The following CASK variants were observed in gnomAD, a reference collection of about 807,000 sequenced individuals.
CASK encodes peripheral plasma membrane protein CASK.
Under a neutral mutation model 82.9 loss-of-function variants are expected in CASK, and 4 were observed. The ratio of observed to expected loss-of-function variants is 0.05; its 90% CI spans 0.02 to 0.11. The LOEUF (loss-of-function observed/expected upper bound fraction) is 0.11, where lower values mean the gene tolerates loss of function less well. CASK is among the 10% of genes least tolerant of loss of function. The pLI is 1.00. For synonymous variants in CASK, 259 were observed against 253.5 expected (o/e 1.02, Z -0.20); for missense variants, 358 against 720.9 (o/e 0.50, Z 5.76).
chrX:41,677,119 C>T (rs1227948656), intron 5 of CASK, among the ~76,000 whole-genome samples: 1 of 86,102 alleles, frequency 1.2e-5, no homozygotes, highest in Non-Finnish European at 2.3e-5. Context: ...CCAGCCTGGG[C>T]AACATGGCAA....
chrX:41,539,236 T>C (rs779262654), intron 22 of CASK, among the ~76,000 whole-genome samples: 4 of 112,055 alleles, frequency 3.6e-5, no homozygotes, highest in Non-Finnish European at 7.5e-5. Context: ...ACAAGCTATG[T>C]AGAATTTCCT....
intron 5 of CASK, chrX:41,729,444 T>C (rs910378963): frequency 2.5e-5 from 3 of 121,322 alleles, no homozygotes; most frequent in African/African-American, 9.9e-5. Flanking sequence ...GTGGGCTGGG[T>C]GCGGTGGCTC....
chrX:41,580,361 T>C (rs1280064361), intron 14 of CASK, among the ~76,000 whole-genome samples: 1 of 111,625 alleles, frequency 9.0e-6, no homozygotes, highest in Non-Finnish European at 1.9e-5. Flanking sequence ...TTGTATTTTT[T>C]GTAGACACGG....
In CASK at chrX:41,517,761, AT is replaced by A. The variant is rs1415521384; in HGVS notation, c.*2658del. ...TCTGATTGCTTAGTGGACAATTGTA[AT>A]GTAGCAGTAGCAGCAGCAGCAGCAG... On this transcript the variant is annotated 3_prime_UTR_variant, in exon 27 of 27. Coordinates refer to ENST00000378163, the MANE Select transcript of CASK (RefSeq NM_001367721.1). The A allele has an allele frequency of 1.4e-6, 1 of 729,462 alleles. No individual in the cohort carries two copies. Among genetic ancestry groups the A allele is most frequent in the Non-Finnish European group, 2.0e-6 (1 of 494,078 alleles). 60.1% of individuals were successfully genotyped at this position (729,462 alleles called of 1,213,427 possible).
intron 1 of CASK, among the ~76,000 whole-genome samples, chrX:41,883,105 G>C (rs770254237): frequency 1.8e-5 from 2 of 111,695 alleles, no homozygotes; most frequent in Non-Finnish European, 3.8e-5. Context: ...CAAAACATTT[G>C]GTAATACCAT....
At position 41,838,867 on chromosome X, in the gene CASK, T is replaced by C. The variant is rs775482694; in HGVS notation, c.172+14248A>G. 2.4e-3 allele frequency among the ~76,000 whole-genome samples: 270 copies of C among 112,059 alleles called. 1 individual carries two copies. The highest frequency in any genetic ancestry group is 8.5e-3 in the African/African-American group (262 of 30,875). Reference sequence around the variant, plus strand: ...TAAATTGAGGTTCATTTTTGGCCTATGGATGTCCAATTGCTCCACCACCAT... The same window carrying C: ...TAAATTGAGGTTCATTTTTGGCCTACGGATGTCCAATTGCTCCACCACCAT... On this transcript the variant is annotated intron_variant, in intron 2 of 26. Transcript: ENST00000378163.
At chrX:41,803,976 T>C (rs2070058561) in intron 2 of CASK, among the ~76,000 whole-genome samples, 2 of 112,014 alleles carry the variant, frequency 1.8e-5, no homozygotes, top group South Asian at 7.4e-4. Flanking sequence ...TGTGCTTACA[T>C]TACTTAGATA....
intron 3 of CASK, among the ~76,000 whole-genome samples, chrX:41,774,139 A>G (rs1019053086): frequency 9.0e-6 from 1 of 111,454 alleles, no homozygotes; most frequent in Non-Finnish European, 1.9e-5. Context: ...TAGGAAAAGA[A>G]GAAGTCAAAT....
chrX:41,845,222 C>T (rs1354988252), intron 2 of CASK, among the ~76,000 whole-genome samples: 1 of 111,747 alleles, frequency 8.9e-6, no homozygotes, highest in Admixed American at 9.5e-5. Flanking sequence ...CCCAAATCTA[C>T]CTTCTCTTTC....
chrX:41,867,165 AC>A (rs2071606840), intron 1 of CASK, among the ~76,000 whole-genome samples: 1 of 112,190 alleles, frequency 8.9e-6, no homozygotes, highest in African/African-American at 3.2e-5. Flanking sequence ...GTTATGCATA[AC>A]TGAAGGTCAG....
chrX:41,870,156 A>G (rs1441575958), intron 1 of CASK, among the ~76,000 whole-genome samples: 2 of 111,198 alleles, frequency 1.8e-5, no homozygotes, highest in Middle Eastern at 4.2e-3. Flanking sequence ...ATTCCACTGA[A>G]TCATGGCAGG....
chrX:41,638,089 G>A (rs1376508269), intron 8 of CASK, among the ~76,000 whole-genome samples: 1 of 112,286 alleles, frequency 8.9e-6, no homozygotes, highest in Non-Finnish European at 1.9e-5. Flanking sequence ...GCCAGGCATT[G>A]TCCTATGCAT....
chrX:41,744,250 T>C (rs1365937829), intron 4 of CASK, among the ~76,000 whole-genome samples: 1 of 111,359 alleles, frequency 9.0e-6, no homozygotes, highest in Non-Finnish European at 1.9e-5. Flanking sequence ...TGGGTAATTA[T>C]GATTGAATGT....
chrX:41,758,833 A>C (rs1428544426), intron 3 of CASK, among the ~76,000 whole-genome samples: 1 of 112,460 alleles, frequency 8.9e-6, no homozygotes, highest in Non-Finnish European at 1.9e-5. Context: ...TGTTTAATAA[A>C]GCAATTCTGA....
chrX:41,555,927 A>T (rs201367620), intron 19 of CASK: 1 of 16 alleles, frequency 0.062, no homozygotes, highest in Non-Finnish European at 0.25. Context: ...ACAGCCTATT[A>T]AAAAAAAAAA....
intron 2 of CASK, among the ~76,000 whole-genome samples, chrX:41,819,777 C>G (rs1412899262): frequency 9.0e-6 from 1 of 111,709 alleles, no homozygotes; most frequent in Non-Finnish European, 1.9e-5. Flanking sequence ...TGCAAGGTTA[C>G]TTTAGCATTC....
At chrX:41,803,356 G>A (rs1433477954) in intron 2 of CASK, among the ~76,000 whole-genome samples, 1 of 111,646 alleles carries the variant, frequency 9.0e-6, no homozygotes, top group African/African-American at 3.3e-5. Flanking sequence ...TTGGGAGGCC[G>A]AGGTGGGCAC....
Position 41,574,754 on chromosome X carries a change from T to G in CASK, c.1503+3586A>C, listed in dbSNP as rs141170259. ...AGGCTCCCTTGCTGGAAAGTGGCCT[T>G]GAATTTGAGACAGTTAAGGGTAGGG... On this transcript the variant is annotated intron_variant, in intron 15 of 26. Transcript: ENST00000378163. 4.6e-3 allele frequency among the ~76,000 whole-genome samples: 510 copies of G among 111,975 alleles called. 4 individuals carry two copies. The highest frequency in any genetic ancestry group is 0.016 in the African/African-American group (489 of 30,800).
intron 2 of CASK, among the ~76,000 whole-genome samples, chrX:41,806,894 G>A (rs189309574): frequency 1.6e-3 from 178 of 111,035 alleles, no homozygotes; most frequent in African/African-American, 5.5e-3. Context: ...ATGAAGGAGG[G>A]TGGGAACAGG....
Sources: gnomAD v4.1 joint callset for allele counts (sites outside exome capture counted in the v4.1 genomes callset) on GRCh38, gnomAD v4.1.1 for gene constraint, MANE v1.5 for transcripts, NCBI Gene and HGNC (gene_info 2026-07-23, HGNC 2026-07-21) for gene names.